The following MAPK4 variants were observed in gnomAD, a reference collection of about 807,000 sequenced individuals.
MAPK4 encodes the protein Erk3-related.
MAPK4 carries 22 observed loss-of-function variants against 47.7 expected under a neutral mutation model. The ratio of observed to expected loss-of-function variants is 0.46; its 90% CI spans 0.33 to 0.66. MAPK4 has a LOEUF of 0.66. MAPK4 is among the 30% of genes least tolerant of loss of function. The pLI is 0.02. For synonymous variants in MAPK4, 390 were observed against 365.7 expected (o/e 1.07, Z -0.76); for missense variants, 736 against 831.7 (o/e 0.88, Z 1.42).
In MAPK4 at chr18:50,729,670, C is replaced by T. The variant is rs751670980; in HGVS notation, c.1580C>T (p.Ala527Val). ...RLSASPPGRP[A>V]PVDGGASPQF... ...TCTGCCTCGCCCCCCGGCCGCCCGG[C>T]CCCGGTGGACGGCGGCGCCAGCCCC... The change falls in exon 6 of 6, where the codon GCC becomes GTC. Residue 527 changes from alanine (A) to valine (V), a missense_variant. By Grantham distance (64) the Ala-to-Val change is moderately conservative (BLOSUM62 0). Transcript: ENST00000400384. The T allele has an allele frequency of 2.6e-6, 4 of 1,523,210 alleles. No individual in the cohort carries two copies. Among genetic ancestry groups the T allele is most frequent in the Non-Finnish European group, 3.5e-6 (4 of 1,129,142 alleles). 94.4% of individuals were successfully genotyped at this position (1,523,210 alleles called of 1,614,324 possible).
intron 1 of MAPK4, among the ~76,000 whole-genome samples, chr18:50,640,113 G>A (rs1016943749): frequency 4.6e-5 from 7 of 152,158 alleles, no homozygotes; most frequent in South Asian, 2.1e-4. Flanking sequence ...ACACACATAC[G>A]TGATCTTTAT....
intron 1 of MAPK4, among the ~76,000 whole-genome samples, chr18:50,602,906 C>T (rs1256433818): frequency 6.6e-6 from 1 of 152,138 alleles, no homozygotes; most frequent in Non-Finnish European, 1.5e-5. Context: ...TGGAATATTG[C>T]AGCCTCCTCA....
chr18:50,676,588 A>G (rs1908285511), intron 2 of MAPK4, among the ~76,000 whole-genome samples: 1 of 152,242 alleles, frequency 6.6e-6, no homozygotes, highest in Admixed American at 6.5e-5. Flanking sequence ...CTGCATGACC[A>G]GCTGTAACAG....
At position 50,727,961 on chromosome 18, in the gene MAPK4, T is replaced by C. The variant is rs559787904; in HGVS notation, c.1068-1197T>C. Among the ~76,000 whole-genome samples, 9 of 152,270 alleles carry C rather than the reference T, an allele frequency of 5.9e-5. No individual in the cohort carries two copies. In the South Asian group the frequency reaches 1.9e-3, roughly 32 times the overall value. On this transcript the variant is annotated intron_variant, in intron 5 of 5. Transcript: ENST00000400384. Reference sequence around the variant, plus strand: ...TTCACACACTCTTCCTCCTGGAAATTTCTGCCCAAGGCCACTCAATCAAGG... The same window carrying C: ...TTCACACACTCTTCCTCCTGGAAATCTCTGCCCAAGGCCACTCAATCAAGG...
At chr18:50,639,415 G>A (rs1265815133) in intron 1 of MAPK4, among the ~76,000 whole-genome samples, 1 of 152,080 alleles carries the variant, frequency 6.6e-6, no homozygotes, top group African/African-American at 2.4e-5. Context: ...AGGGAGGTGG[G>A]GGTAAATGAG....
In MAPK4 at chr18:50,586,744, G is replaced by C. The variant is rs193019277; in HGVS notation, c.-871+26501G>C. ...GTTACCTGTGTAGAAAATAAAAAAGGGTCTTTTTTCCTACTGATCCAGGGC... is the reference window on the plus strand; with the variant it reads ...GTTACCTGTGTAGAAAATAAAAAAGCGTCTTTTTTCCTACTGATCCAGGGC... On this transcript the variant is annotated intron_variant, in intron 1 of 5. Transcript: ENST00000400384. 8.0e-4 allele frequency among the ~76,000 whole-genome samples: 121 copies of C among 152,070 alleles called. 2 individuals carry two copies. The Middle Eastern group carries it at 0.01, about 13-fold the overall frequency.
chr18:50,627,034 TC>T (rs143142316), intron 1 of MAPK4, among the ~76,000 whole-genome samples: 1,719 of 144,924 alleles, frequency 0.012, 29 homozygotes, highest in African/African-American at 0.039. Flanking sequence ...GGCATTTTTG[TC>T]CCCCCTACCA....
intron 3 of MAPK4, among the ~76,000 whole-genome samples, chr18:50,721,191 G>A (rs1910917381): frequency 6.6e-6 from 1 of 152,314 alleles, no homozygotes; most frequent in South Asian, 2.1e-4. Flanking sequence ...TGGTTGTCTG[G>A]GTGTGGGAGG....
chr18:50,687,802 G>A (rs993686326), intron 2 of MAPK4, among the ~76,000 whole-genome samples: 4 of 152,170 alleles, frequency 2.6e-5, no homozygotes, highest in Admixed American at 1.3e-4. Flanking sequence ...CTGTGGTCTC[G>A]AGGGCCCTGT....
intron 1 of MAPK4, among the ~76,000 whole-genome samples, chr18:50,572,289 A>G (rs1268672393): frequency 6.6e-6 from 1 of 152,186 alleles, no homozygotes; most frequent in Non-Finnish European, 1.5e-5. Flanking sequence ...GAATATATCT[A>G]GTAAGTAGTT....
At chr18:50,650,326 A>G (rs1327141680) in intron 1 of MAPK4, among the ~76,000 whole-genome samples, 1 of 119,948 alleles carries the variant, frequency 8.3e-6, no homozygotes, top group East Asian at 2.6e-4. Flanking sequence ...CCCCCTTTCC[A>G]CTACCCCCTC....
At chr18:50,603,397 A>G (rs2042556582) in intron 1 of MAPK4, among the ~76,000 whole-genome samples, 1 of 152,170 alleles carries the variant, frequency 6.6e-6, no homozygotes. Context: ...TGACCACAAC[A>G]AAGAGGGGCT....
intron 2 of MAPK4, among the ~76,000 whole-genome samples, chr18:50,712,044 C>T (rs567034240): frequency 4.6e-5 from 7 of 152,268 alleles, no homozygotes; most frequent in African/African-American, 1.7e-4. Flanking sequence ...ATCTCCCCTT[C>T]CTGGGGCTTC....
At chr18:50,679,266 T>G (rs1014896273) in intron 2 of MAPK4, among the ~76,000 whole-genome samples, 1 of 152,182 alleles carries the variant, frequency 6.6e-6, no homozygotes. Flanking sequence ...TGTGCTTCCG[T>G]GCAGGTCTTT....
At chr18:50,691,612 A>G (rs1203195483) in intron 2 of MAPK4, among the ~76,000 whole-genome samples, 1 of 152,242 alleles carries the variant, frequency 6.6e-6, no homozygotes, top group Non-Finnish European at 1.5e-5. Flanking sequence ...TTTAAATGCC[A>G]TATGACATCC....
intron 1 of MAPK4, among the ~76,000 whole-genome samples, chr18:50,588,323 G>A (rs564699516): frequency 1.6e-4 from 24 of 152,226 alleles, no homozygotes; most frequent in African/African-American, 5.5e-4. Flanking sequence ...GCTTCCCCTT[G>A]TAACCTCTCT....
intron 4 of MAPK4, among the ~76,000 whole-genome samples, chr18:50,722,949 TTG>T: frequency 1.3e-5 from 2 of 152,204 alleles, no homozygotes; most frequent in African/African-American, 4.8e-5. Context: ...GGTGACAAGA[TTG>T]TACAGAAGCT....
At chr18:50,646,614 G>A (rs561215052) in intron 1 of MAPK4, among the ~76,000 whole-genome samples, 38 of 152,260 alleles carry the variant, frequency 2.5e-4, no homozygotes, top group African/African-American at 2.4e-5. Flanking sequence ...GGGCTCCAGC[G>A]AACCCAACCA....
In MAPK4 at chr18:50,640,615, G is replaced by A. The variant is rs970660497; in HGVS notation, c.-870-22474G>A. On this transcript the variant is annotated intron_variant, in intron 1 of 5. Transcript: ENST00000400384. ...CAAGTAGCTGGGATTACAGGTGTGC[G>A]CCACCACGTCTGGCTAATTTTTGTA... Among the ~76,000 whole-genome samples, 7 of 152,108 alleles carry A rather than the reference G, an allele frequency of 4.6e-5. No homozygotes were observed. The South Asian group carries it at 1.0e-3, about 23-fold the overall frequency.
Sources: gnomAD v4.1 joint callset for allele counts (sites outside exome capture counted in the v4.1 genomes callset) on GRCh38, gnomAD v4.1.1 for gene constraint, MANE v1.5 for transcripts, NCBI Gene and HGNC (gene_info 2026-07-23, HGNC 2026-07-21) for gene names.